The following TDRD3 variants were observed in gnomAD, a reference collection of about 807,000 sequenced individuals.
The protein encoded by TDRD3 is tudor domain containing 3, also known as tudor domain-containing protein 3.
Under a neutral mutation model 86.7 loss-of-function variants are expected in TDRD3, and 45 were observed. The ratio of observed to expected loss-of-function variants is 0.52; its 90% confidence interval spans 0.41 to 0.67. TDRD3 has a LOEUF of 0.67. TDRD3 is among the 30% of genes least tolerant of loss of function. The pLI, the probability that TDRD3 is intolerant of heterozygous loss-of-function variation, is 0.00. For missense variants in TDRD3, 814 were observed against 889.0 expected (o/e 0.92, Z 1.07); for synonymous variants, 298 against 301.7 (o/e 0.99, Z 0.13).
chr13:60,430,672 A>C (rs545494173), intron 1 of TDRD3, among the ~76,000 whole-genome samples: 32 of 152,240 alleles, frequency 2.1e-4, no homozygotes, highest in South Asian at 1.7e-3. Flanking sequence ...TATACTATGT[A>C]ATATATCAAT....
At chr13:60,541,044 C>T (rs370639458) in intron 12 of TDRD3, among the ~76,000 whole-genome samples, 2 of 152,030 alleles carry the variant, frequency 1.3e-5, no homozygotes, top group African/African-American at 4.8e-5. Flanking sequence ...ACATTAGTTC[C>T]ACTTCATGGT....
chr13:60,425,079 C>CA (rs563572783), intron 1 of TDRD3, among the ~76,000 whole-genome samples: 31 of 152,156 alleles, frequency 2.0e-4, no homozygotes, highest in African/African-American at 7.5e-4. Context: ...ACAAAATAGA[C>CA]AAACCATTAG....
intron 12 of TDRD3, among the ~76,000 whole-genome samples, chr13:60,552,244 T>C (rs1478684287): frequency 6.6e-6 from 1 of 152,202 alleles, no homozygotes; most frequent in Middle Eastern, 3.2e-3. Context: ...GTACAGGCAT[T>C]GGGTAAATGT....
intron 4 of TDRD3, among the ~76,000 whole-genome samples, chr13:60,465,111 T>C (rs1027509518): frequency 2.6e-5 from 4 of 152,176 alleles, no homozygotes; most frequent in African/African-American, 7.2e-5. Flanking sequence ...CTAATTCCTT[T>C]TGTGGGAATA....
intron 13 of TDRD3, among the ~76,000 whole-genome samples, chr13:60,569,616 A>G (rs973377849): frequency 8.5e-5 from 13 of 152,158 alleles, no homozygotes; most frequent in South Asian, 2.1e-4. Context: ...AGAAAAGCCA[A>G]AGTTATCCTG....
chr13:60,548,481 G>T (rs1432665996), intron 12 of TDRD3, among the ~76,000 whole-genome samples: 1 of 152,066 alleles, frequency 6.6e-6, no homozygotes, highest in East Asian at 1.9e-4. Flanking sequence ...TACATGAGCC[G>T]CTTGCCATTA....
At chr13:60,538,642 A>C (rs770376404) in intron 12 of TDRD3, among the ~76,000 whole-genome samples, 2 of 152,122 alleles carry the variant, frequency 1.3e-5, no homozygotes, top group Non-Finnish European at 2.9e-5. Flanking sequence ...ATTTCCTACC[A>C]CTGTATGAGA....
chr13:60,429,919 G>A (rs571546001), intron 1 of TDRD3, among the ~76,000 whole-genome samples: 7 of 152,148 alleles, frequency 4.6e-5, no homozygotes, highest in Non-Finnish European at 8.8e-5. Flanking sequence ...AGGGCACCAT[G>A]TTTAAGAAGG....
intron 1 of TDRD3, among the ~76,000 whole-genome samples, chr13:60,418,721 A>G (rs1566176670): frequency 6.6e-6 from 1 of 152,194 alleles, no homozygotes; most frequent in Non-Finnish European, 1.5e-5. Flanking sequence ...CACCCAAGAA[A>G]GTTTTCTCCT....
intron 3 of TDRD3, among the ~76,000 whole-genome samples, 180 bp downstream of exon 3, chr13:60,444,928 GTGACTTTTCA>G: frequency 6.6e-6 from 1 of 150,924 alleles, no homozygotes; most frequent in South Asian, 2.1e-4. Context: ...TCAACTTTTG[GTGACTTTTCA>G]ACATTAAAAA....
intron 12 of TDRD3, among the ~76,000 whole-genome samples, chr13:60,550,997 T>C (rs1439095100): frequency 1.3e-5 from 2 of 152,184 alleles, no homozygotes; most frequent in Non-Finnish European, 2.9e-5. Context: ...GAAAGTATTA[T>C]GGATAATTCG....
At chr13:60,404,962 AG>A (rs1444923806) in intron 1 of TDRD3, among the ~76,000 whole-genome samples, 2 of 152,196 alleles carry the variant, frequency 1.3e-5, no homozygotes, top group African/African-American at 4.8e-5. Context: ...TAAAAATGGG[AG>A]GTGCCCTGCA....
intron 3 of TDRD3, among the ~76,000 whole-genome samples, 159 bp from the exon 4 acceptor site, chr13:60,460,221 A>G (rs1394836399): frequency 6.6e-6 from 1 of 152,178 alleles, no homozygotes; most frequent in East Asian, 1.9e-4. Context: ...ACAAAGAAAA[A>G]ACTTGATAAT....
chr13:60,467,385 T>G lies in TDRD3; in HGVS notation c.495+6T>G. On this transcript the variant is annotated splice_donor_region_variant and intron_variant, in intron 5 of 13. Coordinates refer to ENST00000377881, the MANE Select transcript of TDRD3 (RefSeq NM_001146070.2). ...AGAAATGGGAGTTACAGAGAGTAAG[T>G]GTAAACTATGGCTTGAACTTTTGAA... The G allele has an allele frequency of 6.2e-7, 1 of 1,612,188 alleles. No individual in the cohort carries two copies. The highest frequency in any genetic ancestry group is 1.1e-5 in the South Asian group (1 of 90,794).
chr13:60,466,494 A>T (rs892863291), intron 4 of TDRD3, among the ~76,000 whole-genome samples: 3 of 152,048 alleles, frequency 2.0e-5, no homozygotes, highest in African/African-American at 7.2e-5. Context: ...TGAGATAGAA[A>T]ATGACAATCT....
intron 3 of TDRD3, among the ~76,000 whole-genome samples, chr13:60,452,927 C>T (rs575532176): frequency 9.2e-5 from 14 of 151,566 alleles, no homozygotes; most frequent in African/African-American, 3.4e-4. Flanking sequence ...TGTCAGTTAT[C>T]AGTTTCATTA....
At chr13:60,538,821 T>A (rs61968687) in intron 12 of TDRD3, among the ~76,000 whole-genome samples, 22,787 of 152,128 alleles carry the variant, frequency 0.15, 2,137 homozygotes, top group South Asian at 0.28. Context: ...ACTTTTTGTG[T>A]TGTTGCTTCT....
At chr13:60,478,739 G>A (rs991059745) in intron 5 of TDRD3, among the ~76,000 whole-genome samples, 1 of 150,756 alleles carries the variant, frequency 6.6e-6, no homozygotes, top group Non-Finnish European at 1.5e-5. Flanking sequence ...CTAGCTTCAG[G>A]GTTAGTTTGT....
intron 8 of TDRD3, among the ~76,000 whole-genome samples, chr13:60,501,790 T>TA (rs1956838822): frequency 6.6e-6 from 1 of 152,224 alleles, no homozygotes; most frequent in Non-Finnish European, 1.5e-5. Flanking sequence ...CTTTCTTATA[T>TA]AAAATCTCTT....
Sources: gnomAD v4.1 joint callset for allele counts (sites outside exome capture counted in the v4.1 genomes callset) on GRCh38, gnomAD v4.1.1 for gene constraint, MANE v1.5 for transcripts, NCBI Gene and HGNC (gene_info 2026-07-23, HGNC 2026-07-21) for gene names.